The following ULK1 variants were observed in gnomAD, a reference collection of about 807,000 sequenced individuals.
ULK1 encodes serine/threonine-protein kinase ULK1.
In ULK1, 48 loss-of-function variants were observed where a neutral mutation model predicts 117.5. That is an observed-to-expected ratio of 0.41 (90% CI 0.32 to 0.52). The LOEUF (loss-of-function observed/expected upper bound fraction) is 0.52. Among genes scored for constraint, ULK1 ranks in the 20% least tolerant of loss-of-function variants. ULK1 has a pLI of 0.29. For missense variants in ULK1, 1,387 were observed against 1,473.4 expected, an observed-to-expected ratio of 0.94 and a Z score of 0.96; for synonymous variants, 790 against 637.8, an observed-to-expected ratio of 1.24 and a Z score of -3.60.
chr12:131,910,562 G>A, intron 11 of ULK1, 150 bp from the exon 12 acceptor site: 1 of 1,494,574 alleles, frequency 6.7e-7, no homozygotes, highest in Admixed American at 1.8e-5. Flanking sequence ...TCATAGGGTG[G>A]CCCAGGAGGG....
rs1378849862 is a variant in ULK1 at position 131,922,823 on chromosome 12, G to GT, written c.*1463dup. 1 of 152,494 alleles carries GT rather than the reference G, an allele frequency of 6.6e-6. No individual in the cohort carries two copies. The highest frequency in any genetic ancestry group is 1.5e-5 in the Non-Finnish European group (1 of 68,040). 9.4% of individuals were successfully genotyped at this position (152,494 alleles called of 1,614,324 possible). A position where few individuals can be genotyped will look rare whatever the true frequency, so the allele number is the denominator to read the frequency against. ...TTGGACTTAGAAGAAGAAAATCCCCGTGACTTCTTCCTCATCACCTTGATG... is the reference window on the plus strand; with the variant it reads ...TTGGACTTAGAAGAAGAAAATCCCCGTTGACTTCTTCCTCATCACCTTGATG... On this transcript the variant is annotated 3_prime_UTR_variant, in exon 28 of 28. Coordinates refer to ENST00000321867, the MANE Select transcript of ULK1 (RefSeq NM_003565.4).
Position 131,909,185 on chromosome 12 carries a change from G to A in ULK1, c.614G>A (p.Trp205Ter). 6.2e-7 allele frequency: 1 copy of A among 1,610,226 alleles called. No homozygotes were observed. ...SQHYDGKADL[W>*]SIGTIVYQCL... ...CACTACGACGGGAAGGCGGACCTGT[G>A]GAGCATCGGCACCATCGTCTACCAG... is the stretch of plus-strand genomic sequence containing the variant. Residue 205 changes from tryptophan to a stop codon, truncating the protein, a stop_gained, in exon 8 of 28, where the codon TGG becomes TAG. Transcript: ENST00000321867. LOFTEE classifies it high-confidence loss of function.
rs1040552523 is a variant in ULK1, at chr12:131,922,506, C to T, written c.*1145C>T. On this transcript the variant is annotated 3_prime_UTR_variant, in exon 28 of 28. Transcript: ENST00000321867. Reference sequence around the variant, plus strand: ...AGGGTAGGCCTGATGACAGCCCTGTCCCTCCCTGCCTCTGCCTTGCCCAAG... The same window carrying T: ...AGGGTAGGCCTGATGACAGCCCTGTTCCTCCCTGCCTCTGCCTTGCCCAAG... The T allele has an allele frequency of 6.3e-6, 1 of 159,450 alleles. No homozygotes were observed. The highest frequency in any genetic ancestry group is 1.4e-5 in the Non-Finnish European group (1 of 72,386). The allele number at this position is 159,450 out of a possible 1,614,324, so 9.9% of individuals were successfully genotyped here.
chr12:131,896,576 C>T (rs1357547829), intron 3 of ULK1: 2 of 152,544 alleles, frequency 1.3e-5, no homozygotes, highest in African/African-American at 4.8e-5. Flanking sequence ...TTTTGGTGGC[C>T]TCCTCCGTCC....
chr12:131,897,386 G>C (rs1443882016), intron 3 of ULK1: 1 of 152,166 alleles, frequency 6.6e-6, no homozygotes, highest in Admixed American at 6.5e-5. Context: ...GCCCCCGATC[G>C]AGTCCCGCTG....
intron 20 of ULK1, 59 bp from the exon 21 acceptor site, chr12:131,916,894 G>C: frequency 1.4e-6 from 2 of 1,476,728 alleles, no homozygotes; most frequent in South Asian, 1.3e-5. Flanking sequence ...GGGACCTCTC[G>C]AGGTCCAGTT....
chr12:131,912,685 T>A (rs1480989989), intron 13 of ULK1, among the ~76,000 whole-genome samples: 2 of 152,216 alleles, frequency 1.3e-5, no homozygotes, highest in African/African-American at 4.8e-5. Context: ...CCCATCAGCA[T>A]GGCTTCTGCG....
chr12:131,908,577 G>A, intron 5 of ULK1, 67 bp from the exon 6 acceptor site: 1 of 1,412,590 alleles, frequency 7.1e-7, no homozygotes, highest in South Asian at 1.5e-5. Context: ...GACCGGCCTG[G>A]CTGCGCGGGA....
At position 131,921,658 on chromosome 12, in the gene ULK1, G is replaced by C; in HGVS notation, c.*297G>C. Reference sequence around the variant, plus strand: ...GGGTGCCACCACCCTCTAGCCCCAGGGCAGCCCCGGAGGACAGGCAAGGGC... The same window carrying C: ...GGGTGCCACCACCCTCTAGCCCCAGCGCAGCCCCGGAGGACAGGCAAGGGC... On this transcript the variant is annotated 3_prime_UTR_variant, in exon 28 of 28. Coordinates refer to ENST00000321867, the MANE Select transcript of ULK1 (RefSeq NM_003565.4). 1 of 603,850 alleles carries C rather than the reference G, an allele frequency of 1.7e-6. No individual in the cohort carries two copies. Among genetic ancestry groups the C allele is most frequent in the Non-Finnish European group, 3.0e-6 (1 of 335,924 alleles). 37.4% of individuals were successfully genotyped at this position (603,850 alleles called of 1,614,324 possible). A position where few individuals can be genotyped will look rare whatever the true frequency, so the allele number is the denominator to read the frequency against.
intron 3 of ULK1, among the ~76,000 whole-genome samples, chr12:131,905,371 C>G (rs576428065): frequency 2.0e-4 from 31 of 152,092 alleles, no homozygotes; most frequent in African/African-American, 6.8e-4. Context: ...CCTCCTGGGA[C>G]TGGGGGCTGA....
chr12:131,906,335 C>A (rs1016979592), intron 3 of ULK1, among the ~76,000 whole-genome samples: 1 of 152,136 alleles, frequency 6.6e-6, no homozygotes, highest in African/African-American at 2.4e-5. Context: ...ATGATCCACC[C>A]GCCTTGGCCT....
chr12:131,900,350 T>C (rs1199811531), intron 3 of ULK1, among the ~76,000 whole-genome samples: 3 of 152,176 alleles, frequency 2.0e-5, no homozygotes, highest in Admixed American at 6.5e-5. Context: ...GGGTTTTGTG[T>C]ATTGGGTTTC....
intron 5 of ULK1, among the ~76,000 whole-genome samples, chr12:131,908,132 G>GT (rs1192725944): frequency 5.3e-5 from 8 of 152,116 alleles, no homozygotes; most frequent in African/African-American, 1.9e-4. Context: ...TCAGACCCGC[G>GT]TCGCCCTCAT....
At position 131,911,990 on chromosome 12, in the gene ULK1, G is replaced by C; in HGVS notation, c.997G>C (p.Asp333His). ...QLQKTLASPADTAGFLHSSRD... is the reference protein window; with the variant it reads ...QLQKTLASPAHTAGFLHSSRD... ...GCAGAAGACCCTGGCCTCCCCGGCTGACACCGCTGGCTTCCTGCACAGCTC... is the reference window on the plus strand; with the variant it reads ...GCAGAAGACCCTGGCCTCCCCGGCTCACACCGCTGGCTTCCTGCACAGCTC... Residue 333 changes from aspartate to histidine, a missense_variant, in exon 13 of 28, where the codon GAC (aspartate) becomes CAC (histidine). By Grantham distance (81) the Asp-to-His change is moderately conservative. Transcript: ENST00000321867. 1 of 1,612,868 alleles carries C rather than the reference G, an allele frequency of 6.2e-7. No homozygotes were observed. The highest frequency in any genetic ancestry group is 8.5e-7 in the Non-Finnish European group (1 of 1,179,968).
intron 23 of ULK1, 132 bp downstream of exon 23, chr12:131,918,813 G>A (rs1220981219): frequency 2.7e-6 from 2 of 733,844 alleles, no homozygotes; most frequent in Non-Finnish European, 4.2e-6. Flanking sequence ...GGTGTAGTGT[G>A]TGGGGTGTAG....
At chr12:131,913,662 G>A (rs1170562173) in intron 14 of ULK1, 85 bp from the exon 15 acceptor site, 15 of 993,746 alleles carry the variant, frequency 1.5e-5, no homozygotes, top group Admixed American at 6.4e-5. Context: ...CCGAGATTGC[G>A]CCACTGCACT....
At chr12:131,911,731 C>G (rs1226132598) in intron 12 of ULK1, among the ~76,000 whole-genome samples, 1 of 152,172 alleles carries the variant, frequency 6.6e-6, no homozygotes, top group African/African-American at 2.4e-5. Flanking sequence ...GTCGGGGGGC[C>G]TGTCCCTGCG....
Position 131,914,459 on chromosome 12 carries a change from C to G in ULK1, c.1355C>G (p.Thr452Ser), listed in dbSNP as rs74749868. Residue 452 changes from threonine (T) to serine (S), a missense_variant, in exon 16 of 28, where the codon ACC becomes AGC. Coordinates refer to ENST00000321867, the MANE Select transcript of ULK1 (RefSeq NM_003565.4). Reference protein sequence around the residue: ...QRIERNLQSPTQFQTPRSSAI... With the variant: ...QRIERNLQSPSQFQTPRSSAI... ...ATTGAGCGAAACCTGCAGTCACCCA[C>G]CCAGTTCCAAACACCTCGGTGAGTG... is the stretch of plus-strand genomic sequence containing the variant. The G allele has an allele frequency of 0.011, 17,965 of 1,612,664 alleles. 136 individuals carry two copies. Among genetic ancestry groups the G allele is most frequent in the Non-Finnish European group, 0.014 (16,084 of 1,179,894 alleles).
chr12:131,895,299 C>T (rs929045592), intron 1 of ULK1, among the ~76,000 whole-genome samples, 187 bp downstream of exon 1: 10 of 146,676 alleles, frequency 6.8e-5, no homozygotes, highest in African/African-American at 2.5e-4. Context: ...AGTTCAGACT[C>T]CCGCCCCGAG....
Sources: gnomAD v4.1 joint callset for allele counts (sites outside exome capture counted in the v4.1 genomes callset) on GRCh38, gnomAD v4.1.1 for gene constraint, MANE v1.5 for transcripts, NCBI Gene and HGNC (gene_info 2026-07-23, HGNC 2026-07-21) for gene names.